Variants in MAGOH observed in about 807,000 individuals in gnomAD.
The protein encoded by MAGOH is protein mago nashi homolog.
A neutral mutation model predicts 20.9 loss-of-function variants in MAGOH; 3 were observed. That is an observed-to-expected ratio of 0.14 (90% CI 0.07 to 0.37). The LOEUF is 0.37. MAGOH is among the 10% of genes least tolerant of loss of function. The pLI is 1.00. For synonymous variants in MAGOH, 51 were observed against 61.0 expected, an observed-to-expected ratio of 0.84 and a Z score of 0.76; for missense variants, 66 against 178.1, an observed-to-expected ratio of 0.37 and a Z score of 3.58.
At chr1:53,228,847 G>A (rs1309605533) in intron 4 of MAGOH, 25 bp downstream of exon 4, 5 of 1,526,426 alleles carry the variant, frequency 3.3e-6, no homozygotes, top group South Asian at 1.1e-5. Context: ...AGACACAACT[G>A]GATATAAGGA....
rs1645584084 is a variant in MAGOH at position 53,231,081 on chromosome 1, A to G, written c.259-2127T>C. 2.0e-5 allele frequency among the ~76,000 whole-genome samples: 3 copies of G among 152,208 alleles called. No homozygotes were observed. In the South Asian group the frequency reaches 6.2e-4, roughly 32 times the overall value. ...TTTATTCTCACTCTTTTCTCATATC[A>G]TTTTTTAAATTCGGCAGATTTTTTT... On this transcript the variant is annotated intron_variant, in intron 3 of 4. Transcript: ENST00000371470.
intron 1 of MAGOH, among the ~76,000 whole-genome samples, chr1:53,236,872 G>A (rs546909179): frequency 6.6e-6 from 1 of 151,640 alleles, no homozygotes; most frequent in South Asian, 2.1e-4. Flanking sequence ...AACGATCAAA[G>A]TCCAGTTGGT....
chr1:53,235,838 T>C (rs1572397938), intron 1 of MAGOH, among the ~76,000 whole-genome samples: 1 of 152,204 alleles, frequency 6.6e-6, no homozygotes, highest in East Asian at 1.9e-4. Context: ...AATATACAGC[T>C]GAAACTCAAC....
In MAGOH at chr1:53,233,547, G is replaced by A. The variant is rs561502516; in HGVS notation, c.253C>T (p.Arg85Trp). 5 of 1,611,860 alleles carry A rather than the reference G, an allele frequency of 3.1e-6. No homozygotes were observed. Among genetic ancestry groups the A allele is most frequent in the South Asian group, 1.1e-5 (1 of 90,996 alleles). ...GGATAATCAATAAAACACACCTGCC[G>A]GCCCACTCGGTCAGGAGGAGGCCAC... ...ALWPPPDRVG[R>W]QELEIVIGDE... Residue 85 changes from arginine (R) to tryptophan (W), a missense_variant, in exon 3 of 5, where the codon CGG becomes TGG. Coordinates refer to ENST00000371470, the MANE Select transcript of MAGOH (RefSeq NM_002370.4).
At chr1:53,235,677 A>C in intron 1 of MAGOH, 42 bp from the exon 2 acceptor site, 3 of 1,530,648 alleles carry the variant, frequency 2.0e-6, no homozygotes, top group Non-Finnish European at 2.7e-6. Flanking sequence ...ATAAAAACAT[A>C]TGAATAAAGC....
chr1:53,229,174 C>T (rs1645574200), intron 3 of MAGOH, among the ~76,000 whole-genome samples: 2 of 150,780 alleles, frequency 1.3e-5, no homozygotes, highest in South Asian at 2.1e-4. Context: ...TACCATTTCT[C>T]AGATTTGGAA....
At position 53,238,456 on chromosome 1, in the gene MAGOH, A is replaced by C. The variant is rs1428812444; in HGVS notation, c.-8T>G. 6.2e-6 allele frequency: 10 copies of C among 1,612,762 alleles called. No individual in the cohort carries two copies. The highest frequency in any genetic ancestry group is 8.5e-6 in the Non-Finnish European group (10 of 1,178,734). ...ATAAAAGTCACTCTCCATGGCTCCC[A>C]AAAGACAACCGAGCCTGAACTTCCA... On this transcript the variant is annotated 5_prime_UTR_variant, in exon 1 of 5. Transcript: ENST00000371470.
At chr1:53,229,186 AATCT>A (rs1645574265) in intron 3 of MAGOH, among the ~76,000 whole-genome samples, 1 of 151,934 alleles carries the variant, frequency 6.6e-6, no homozygotes, top group African/African-American at 2.4e-5. Flanking sequence ...GATTTGGAAA[AATCT>A]ATGTAGGTTT....
chr1:53,232,001 A>G (rs991472728), intron 3 of MAGOH, among the ~76,000 whole-genome samples: 6 of 152,196 alleles, frequency 3.9e-5, no homozygotes, highest in African/African-American at 1.2e-4. Context: ...GCAATTATTA[A>G]TGGAATTGAT....
rs551867746 is a variant in MAGOH at position 53,228,156 on chromosome 1, G to A, written c.341+716C>T. Among the ~76,000 whole-genome samples, 3 of 152,214 alleles carry A rather than the reference G, an allele frequency of 2.0e-5. No individual in the cohort carries two copies. In the South Asian group the frequency reaches 6.2e-4, roughly 32 times the overall value. On this transcript the variant is annotated intron_variant, in intron 4 of 4. Transcript: ENST00000371470. ...TAAAAAACAATAAATTTAAGGCTGGGCGCGGTGGCTCACGCCTGTAATTCC... is the reference window on the plus strand; with the variant it reads ...TAAAAAACAATAAATTTAAGGCTGGACGCGGTGGCTCACGCCTGTAATTCC...
At chr1:53,233,958 CT>C (rs1645598930) in intron 2 of MAGOH, 2 of 245,578 alleles carry the variant, frequency 8.1e-6, no homozygotes, top group Admixed American at 1.0e-4. Context: ...TGAGTGCCCC[CT>C]GCCATGGTTT....
chr1:53,227,230 G>A (rs763478215), intron 4 of MAGOH, 86 bp from the exon 5 acceptor site: 107 of 599,800 alleles, frequency 1.8e-4, no homozygotes, highest in Non-Finnish European at 2.8e-4. Flanking sequence ...ATATTAAAAC[G>A]GTATATTATG....
chr1:53,228,992 G>A (rs1645573353), intron 3 of MAGOH, 38 bp from the exon 4 acceptor site: 1 of 1,341,188 alleles, frequency 7.5e-7, no homozygotes, highest in South Asian at 1.2e-5. Flanking sequence ...AAGTAGAATT[G>A]GATTATTCAT....
At chr1:53,227,533 TTTG>T (rs1231890178) in intron 4 of MAGOH, among the ~76,000 whole-genome samples, 2 of 152,052 alleles carry the variant, frequency 1.3e-5, no homozygotes, top group Non-Finnish European at 2.9e-5. Context: ...GAAAACTTTT[TTTG>T]TTTTGTTTTG....
Position 53,235,632 on chromosome 1 carries a change from T to C in MAGOH, c.92A>G (p.Lys31Arg). Residue 31 changes from lysine (K) to arginine (R), a missense_variant, in exon 2 of 5, where the codon AAG (lysine) becomes AGG (arginine). By Grantham distance (26) the Lys-to-Arg change is conservative. Coordinates refer to ENST00000371470, the MANE Select transcript of MAGOH (RefSeq NM_002370.4). ...ATTGCTGTTGTTGGCATATCTTAAC[T>C]TCCCTGTGGGGGCAAAAAACAATTT... is the stretch of plus-strand genomic sequence containing the variant. ...FLEFEFRPDG[K>R]LRYANNSNYK... The C allele has an allele frequency of 6.2e-7, 1 of 1,613,638 alleles. No homozygotes were observed. The highest frequency in any genetic ancestry group is 8.5e-7 in the Non-Finnish European group (1 of 1,179,650).
At position 53,238,470 on chromosome 1, in the gene MAGOH, C is replaced by A. The variant is rs536437660; in HGVS notation, c.-22G>T. On this transcript the variant is annotated 5_prime_UTR_variant, in exon 1 of 5. Transcript: ENST00000371470. ...CCATGGCTCCCAAAAGACAACCGAG[C>A]CTGAACTTCCAAGAGCAAGCCGCAC... 1.2e-6 allele frequency: 2 copies of A among 1,606,634 alleles called. No homozygotes were observed. Among genetic ancestry groups the A allele is most frequent in the Admixed American group, 1.7e-5 (1 of 60,006 alleles).
intron 3 of MAGOH, 81 bp downstream of exon 3, chr1:53,233,461 C>T (rs1376364378): frequency 1.1e-6 from 1 of 918,394 alleles, no homozygotes; most frequent in East Asian, 2.4e-5. Context: ...AGATAGGCAA[C>T]AAAAGCTTTA....
At chr1:53,228,979 G>C in intron 3 of MAGOH, 25 bp from the exon 4 acceptor site, 1 of 1,489,532 alleles carries the variant, frequency 6.7e-7, no homozygotes, top group Non-Finnish European at 9.4e-7. Context: ...GAAAATCGAA[G>C]TCAAGTAGAA....
chr1:53,233,513 T>C (rs1181119644), intron 3 of MAGOH, 29 bp downstream of exon 3: 1 of 1,510,648 alleles, frequency 6.6e-7, no homozygotes, highest in African/African-American at 1.4e-5. Flanking sequence ...GTAAGATTTC[T>C]GCACTACAGG....
Sources: allele counts gnomAD v4.1 joint callset (sites outside exome capture counted in the v4.1 genomes callset), GRCh38; gene constraint gnomAD v4.1.1; transcripts MANE v1.5; gene names NCBI Gene and HGNC (gene_info 2026-07-23, HGNC 2026-07-21).